FFAR2: variants seen among roughly 807,000 people sequenced by gnomAD.
FFAR2 encodes the protein G-protein coupled receptor 43.
For synonymous variants in FFAR2, 193 were observed against 189.9 expected, an observed-to-expected ratio of 1.02 and a Z score of -0.13; for missense variants, 421 against 428.9, an observed-to-expected ratio of 0.98 and a Z score of 0.16.
At chr19:35,448,772 T>C (rs1259432084) in intron 1 of FFAR2, among the ~76,000 whole-genome samples, 1 of 151,600 alleles carries the variant, frequency 6.6e-6, no homozygotes, top group Non-Finnish European at 1.5e-5. Flanking sequence ...CCCTCCACCC[T>C]CCTCTAAGCC....
In FFAR2 at chr19:35,450,270, G is replaced by T. The variant is rs1427933760; in HGVS notation, c.556G>T (p.Val186Leu). ...GCCCGTGCGGCTGGAGCTGTGCCTG[G>T]TGCTCTTCTTCATCCCCATGGCAGT... Reference protein sequence around the residue: ...VLPVRLELCLVLFFIPMAVTI... With the variant: ...VLPVRLELCLLLFFIPMAVTI... The change falls in exon 2 of 2, where the codon GTG (valine) becomes TTG (leucine). Residue 186 changes from valine to leucine, a missense_variant. Val to Leu is a conservative substitution (Grantham distance 32). Coordinates refer to ENST00000599180, the MANE Select transcript of FFAR2 (RefSeq NM_001370087.1). The T allele has an allele frequency of 1.2e-6, 2 of 1,614,088 alleles. No homozygotes were observed. The highest frequency in any genetic ancestry group is 2.7e-5 in the African/African-American group (2 of 74,938).
rs2067377409 is a variant in FFAR2 at position 35,450,782 on chromosome 19, G to T, written c.*75G>T. 18 of 1,458,700 alleles carry T rather than the reference G, an allele frequency of 1.2e-5. No homozygotes were observed. In the South Asian group the frequency reaches 2.2e-4, roughly 18 times the overall value. 90.4% of individuals were successfully genotyped at this position (1,458,700 alleles called of 1,614,324 possible). A position where few individuals can be genotyped will look rare whatever the true frequency, so the allele number is the denominator to read the frequency against. On this transcript the variant is annotated 3_prime_UTR_variant, in exon 2 of 2. Transcript: ENST00000599180. ...AGCCTGGGAGAGGCGGAGCAGGAAG[G>T]CTCCCATCCAGATTCAGAAATCCTT...
intron 1 of FFAR2, 85 bp from the exon 2 acceptor site, chr19:35,449,629 A>G: frequency 7.1e-7 from 1 of 1,407,826 alleles, no homozygotes; most frequent in Non-Finnish European, 9.6e-7. Flanking sequence ...GGTGCCGGGG[A>G]GGATGTCCGC....
chr19:35,451,308 T>A lies in FFAR2; in HGVS notation c.*601T>A, dbSNP rs1336102211. On this transcript the variant is annotated 3_prime_UTR_variant, in exon 2 of 2. Transcript: ENST00000599180. ...AGTCCAGTCCTTGTGATGTGGCTGG[T>A]AGTTGGGGATGGCCAGGCTGAAGCA... is the stretch of plus-strand genomic sequence containing the variant. The A allele has an allele frequency of 6.7e-6, 1 of 149,838 alleles. No homozygotes were observed. Among genetic ancestry groups the A allele is most frequent in the African/African-American group, 2.5e-5 (1 of 40,432 alleles). The allele number at this position is 149,838 out of a possible 1,614,324, so 9.3% of individuals were successfully genotyped here.
chr19:35,450,976 C>T lies in FFAR2; in HGVS notation c.*269C>T, dbSNP rs1015639756. The T allele has an allele frequency of 1.9e-5, 7 of 368,128 alleles. No homozygotes were observed. Among genetic ancestry groups the T allele is most frequent in the East Asian group, 5.0e-5 (1 of 19,928 alleles). The allele number at this position is 368,128 out of a possible 1,614,324, so 22.8% of individuals were successfully genotyped here. A position where few individuals can be genotyped will look rare whatever the true frequency, so the allele number is the denominator to read the frequency against. On this transcript the variant is annotated 3_prime_UTR_variant, in exon 2 of 2. Transcript: ENST00000599180. ...GTGGCTCATGCCTATAATCCCAGAA[C>T]TTTGGGAGGCTGAGGCAGGTGGATC...
Position 35,450,439 on chromosome 19 carries a change from A to G in FFAR2, c.725A>G (p.His242Arg). ...TGCTTCGGACCTTACAACGTGTCCC[A>G]CCTGGTGGGGTATCACCAGAGAAAA... Reference protein sequence around the residue: ...LVCFGPYNVSHLVGYHQRKSP... With the variant: ...LVCFGPYNVSRLVGYHQRKSP... Residue 242 changes from histidine to arginine, a missense_variant, in exon 2 of 2, where the codon CAC (histidine) becomes CGC (arginine). Transcript: ENST00000599180. 6.2e-7 allele frequency: 1 copy of G among 1,614,198 alleles called. No individual in the cohort carries two copies.
In FFAR2 at chr19:35,450,950, G is replaced by A. The variant is rs1056748825; in HGVS notation, c.*243G>A. On this transcript the variant is annotated 3_prime_UTR_variant, in exon 2 of 2. Coordinates refer to ENST00000599180, the MANE Select transcript of FFAR2 (RefSeq NM_001370087.1). ...AGGTATAGAAGCACCTGCCGGGTGT[G>A]GTGGCTCATGCCTATAATCCCAGAA... The A allele has an allele frequency of 4.4e-6, 2 of 453,366 alleles. No homozygotes were observed. The highest frequency in any genetic ancestry group is 3.8e-5 in the East Asian group (1 of 26,220). 28.1% of individuals were successfully genotyped at this position (453,366 alleles called of 1,614,324 possible).
chr19:35,449,971 GT>G lies in FFAR2; in HGVS notation c.261del (p.Phe87LeufsTer41), dbSNP rs1433117229. ...YLPKVVCALT[S>X]FGFYSSIYCS... ...CCCAAGGTCGTCTGCGCCCTCACGA[GT>G]TTTGGCTTCTACAGCAGCATCTACT... On this transcript the variant is annotated frameshift_variant, in exon 2 of 2. Transcript: ENST00000599180. LOFTEE classifies it low-confidence loss of function (END_TRUNC). 52 of 1,614,098 alleles carry G rather than the reference GT, an allele frequency of 3.2e-5. No homozygotes were observed. The highest frequency in any genetic ancestry group is 4.3e-5 in the Non-Finnish European group (51 of 1,180,030).
chr19:35,449,795 G>A lies in FFAR2; in HGVS notation c.81G>A (p.Leu27=), dbSNP rs569172650. The part of the protein sequence containing the change: ...IFLTGLPANL[L]ALRAFVGRIR... Reference sequence around the variant, plus strand: ...TCACTGGCCTCCCTGCCAACCTCCTGGCCCTGCGGGCCTTTGTGGGGCGGA... The same window carrying A: ...TCACTGGCCTCCCTGCCAACCTCCTAGCCCTGCGGGCCTTTGTGGGGCGGA... The change falls in exon 2 of 2, where the codon CTG becomes CTA. Residue 27 remains leucine, a synonymous_variant. Coordinates refer to ENST00000599180, the MANE Select transcript of FFAR2 (RefSeq NM_001370087.1). The A allele has an allele frequency of 6.2e-7, 1 of 1,611,668 alleles. No individual in the cohort carries two copies. The highest frequency in any genetic ancestry group is 1.3e-5 in the African/African-American group (1 of 74,944).
chr19:35,450,080 G>T lies in FFAR2; in HGVS notation c.366G>T (p.Arg122=). The T allele has an allele frequency of 6.2e-6, 10 of 1,614,214 alleles. No homozygotes were observed. The highest frequency in any genetic ancestry group is 7.6e-6 in the Non-Finnish European group (9 of 1,180,044). ...CCGTGCAGTACAAGCTCTCCCGCCG[G>T]CCTCTGTATGGAGTGATTGCAGCTC... ...AFPVQYKLSR[R]PLYGVIAALV... is the part of the protein sequence containing the mutation. The change falls in exon 2 of 2, where the codon CGG becomes CGT. Residue 122 remains arginine (R), a synonymous_variant. Coordinates refer to ENST00000599180, the MANE Select transcript of FFAR2 (RefSeq NM_001370087.1).
At position 35,450,928 on chromosome 19, in the gene FFAR2, T is replaced by C. The variant is rs2067378162; in HGVS notation, c.*221T>C. The C allele has an allele frequency of 1.9e-6, 1 of 530,972 alleles. No homozygotes were observed. 32.9% of individuals were successfully genotyped at this position (530,972 alleles called of 1,614,324 possible). A position where few individuals can be genotyped will look rare whatever the true frequency, so the allele number is the denominator to read the frequency against. On this transcript the variant is annotated 3_prime_UTR_variant, in exon 2 of 2. Transcript: ENST00000599180. ...AGAGATGCACGAAGAAGTAGTTAGG[T>C]ATAGAAGCACCTGCCGGGTGTGGTG...
In FFAR2 at chr19:35,450,246, C is replaced by A. The variant is rs867309582; in HGVS notation, c.532C>A (p.Pro178Thr). The change falls in exon 2 of 2, where the codon CCC becomes ACC. Residue 178 changes from proline to threonine, a missense_variant. Physicochemically the swap from Pro to Thr is conservative, Grantham distance 38 (BLOSUM62 -1). Coordinates refer to ENST00000599180, the MANE Select transcript of FFAR2 (RefSeq NM_001370087.1). ...CGATAACCAGTTGGACGTGGTGCTGCCCGTGCGGCTGGAGCTGTGCCTGGT... is the reference window on the plus strand; with the variant it reads ...CGATAACCAGTTGGACGTGGTGCTGACCGTGCGGCTGGAGCTGTGCCTGGT... ...FTDNQLDVVL[P>T]VRLELCLVLF... is the part of the protein sequence containing the mutation. 1 of 1,614,202 alleles carries A rather than the reference C, an allele frequency of 6.2e-7. No individual in the cohort carries two copies. Among genetic ancestry groups the A allele is most frequent in the Non-Finnish European group, 8.5e-7 (1 of 1,180,034 alleles).
chr19:35,449,225 G>T (rs2067364178), intron 1 of FFAR2, among the ~76,000 whole-genome samples: 1 of 152,234 alleles, frequency 6.6e-6, no homozygotes. Context: ...TGGTGGCTGG[G>T]CACTTGGGTC....
chr19:35,448,487 CT>C (rs760914694), intron 1 of FFAR2, 108 bp downstream of exon 1: 3 of 152,316 alleles, frequency 2.0e-5, no homozygotes, highest in Non-Finnish European at 2.9e-5. Flanking sequence ...AAATGGAAGA[CT>C]CATACCCAGA....
rs569230703 is a variant in FFAR2 at position 35,450,447 on chromosome 19, G to T, written c.733G>T (p.Gly245Trp). 6.2e-7 allele frequency: 1 copy of T among 1,614,262 alleles called. No individual in the cohort carries two copies. The highest frequency in any genetic ancestry group is 1.7e-5 in the Admixed American group (1 of 60,036). Residue 245 changes from glycine to tryptophan, a missense_variant, in exon 2 of 2, where the codon GGG becomes TGG. Gly to Trp is a radical substitution (Grantham distance 184, BLOSUM62 -2). Transcript: ENST00000599180. The part of the protein sequence containing the change: ...FGPYNVSHLV[G>W]YHQRKSPWWR... The stretch of plus-strand genomic sequence containing the variant: ...ACCTTACAACGTGTCCCACCTGGTG[G>T]GGTATCACCAGAGAAAAAGCCCCTG...
At chr19:35,449,532 C>A in intron 1 of FFAR2, 182 bp from the exon 2 acceptor site, 1 of 190,558 alleles carries the variant, frequency 5.2e-6, no homozygotes, top group Non-Finnish European at 9.7e-6. Flanking sequence ...CCGCCCCAGG[C>A]AAAGTCAATA....
In FFAR2 at chr19:35,450,805, C is replaced by T; in HGVS notation, c.*98C>T. 2 of 1,323,754 alleles carry T rather than the reference C, an allele frequency of 1.5e-6. No homozygotes were observed. The highest frequency in any genetic ancestry group is 2.1e-6 in the Non-Finnish European group (2 of 974,130). The allele number at this position is 1,323,754 out of a possible 1,614,324, so 82.0% of individuals were successfully genotyped here. ...AGGCTCCCATCCAGATTCAGAAATCCTTAGACCCAGCCCAGGACTGCGACT... is the reference window on the plus strand; with the variant it reads ...AGGCTCCCATCCAGATTCAGAAATCTTTAGACCCAGCCCAGGACTGCGACT... On this transcript the variant is annotated 3_prime_UTR_variant, in exon 2 of 2. Coordinates refer to ENST00000599180, the MANE Select transcript of FFAR2 (RefSeq NM_001370087.1).
Position 35,450,147 on chromosome 19 carries a change from A to G in FFAR2, c.433A>G (p.Ile145Val), listed in dbSNP as rs1471882533. Residue 145 changes from isoleucine (I) to valine (V), a missense_variant, in exon 2 of 2, where the codon ATC (isoleucine) becomes GTC (valine). Coordinates refer to ENST00000599180, the MANE Select transcript of FFAR2 (RefSeq NM_001370087.1). ...GTCCTTTGGTCACTGCACCATCGTG[A>G]TCATCGTTCAATACTTGAACACGAC... ...VMSFGHCTIV[I>V]IVQYLNTTEQ... is the part of the protein sequence containing the mutation. 3.1e-6 allele frequency: 5 copies of G among 1,614,042 alleles called. No homozygotes were observed. In the Admixed American group the frequency reaches 5.0e-5, roughly 16 times the overall value.
chr19:35,450,932 G>A lies in FFAR2; in HGVS notation c.*225G>A. Reference sequence around the variant, plus strand: ...ATGCACGAAGAAGTAGTTAGGTATAGAAGCACCTGCCGGGTGTGGTGGCTC... The same window carrying A: ...ATGCACGAAGAAGTAGTTAGGTATAAAAGCACCTGCCGGGTGTGGTGGCTC... On this transcript the variant is annotated 3_prime_UTR_variant, in exon 2 of 2. Transcript: ENST00000599180. 1.9e-6 allele frequency: 1 copy of A among 520,016 alleles called. No homozygotes were observed. The highest frequency in any genetic ancestry group is 3.4e-6 in the Non-Finnish European group (1 of 293,928). 32.2% of individuals were successfully genotyped at this position (520,016 alleles called of 1,614,324 possible). A position where few individuals can be genotyped will look rare whatever the true frequency, so the allele number is the denominator to read the frequency against.
Sources: allele counts gnomAD v4.1 joint callset (sites outside exome capture counted in the v4.1 genomes callset), GRCh38; gene constraint gnomAD v4.1.1; transcripts MANE v1.5; gene names NCBI Gene and HGNC (gene_info 2026-07-23, HGNC 2026-07-21).